Variants in DYSF observed in about 807,000 individuals in gnomAD.
The protein encoded by DYSF is dystrophy-associated fer-1-like 1.
Under a neutral mutation model 274.9 loss-of-function variants are expected in DYSF, and 212 were observed. The observed-to-expected ratio is 0.77, with a 90% CI of 0.69 to 0.86. The LOEUF (loss-of-function observed/expected upper bound fraction) is 0.86. DYSF is among the 40% of genes least tolerant of loss of function. DYSF has a pLI of 0.00. For missense variants in DYSF, 2,666 were observed against 2,783.2 expected (o/e 0.96, Z 0.95); for synonymous variants, 1,091 against 1,078.7 (o/e 1.01, Z -0.22).
intron 4 of DYSF, 129 bp from the exon 5 acceptor site, chr2:71,511,678 C>G (rs1264827032): frequency 1.4e-6 from 1 of 730,308 alleles, no homozygotes; most frequent in East Asian, 2.7e-5. Context: ...TTGCCACAGC[C>G]TCCTGCAAAC....
intron 52 of DYSF, among the ~76,000 whole-genome samples, chr2:71,675,907 G>A (rs548978605): frequency 1.3e-5 from 2 of 151,958 alleles, no homozygotes; most frequent in South Asian, 2.1e-4. Flanking sequence ...TATATGAATG[G>A]ATTTCTATTA....
At chr2:71,643,774 A>C (rs538328179) in intron 41 of DYSF, among the ~76,000 whole-genome samples, 191 bp from the exon 42 acceptor site, 1 of 152,328 alleles carries the variant, frequency 6.6e-6, no homozygotes, top group Admixed American at 6.5e-5. Flanking sequence ...CAAATGCTGA[A>C]ACCTCTTCCT....
At chr2:71,632,156 G>T (rs1235879243) in intron 41 of DYSF, among the ~76,000 whole-genome samples, 16 of 152,198 alleles carry the variant, frequency 1.1e-4, no homozygotes, top group African/African-American at 3.9e-4. Flanking sequence ...TTGGTCCTAT[G>T]CACTGGCTAC....
At chr2:71,530,174 G>A (rs150776499) in intron 14 of DYSF, among the ~76,000 whole-genome samples, 114 of 148,908 alleles carry the variant, frequency 7.7e-4, no homozygotes, top group Middle Eastern at 3.5e-3. Context: ...GGGGACAGCT[G>A]CTTGAAGGTA....
At chr2:71,509,691 A>G (rs115721731) in intron 4 of DYSF, among the ~76,000 whole-genome samples, 288 of 152,040 alleles carry the variant, frequency 1.9e-3, no homozygotes, top group African/African-American at 6.7e-3. Flanking sequence ...TCATGTTTCT[A>G]TTGTCTCAGA....
intron 32 of DYSF, among the ~76,000 whole-genome samples, chr2:71,591,984 G>A (rs1443271815): frequency 6.6e-6 from 1 of 152,284 alleles, no homozygotes; most frequent in Admixed American, 6.5e-5. Flanking sequence ...ACAGGCATCT[G>A]CAGTGGCTAA....
intron 33 of DYSF, 67 bp downstream of exon 33, chr2:71,598,812 AG>A: frequency 3.2e-6 from 5 of 1,582,738 alleles, no homozygotes; most frequent in Non-Finnish European, 4.3e-6. Flanking sequence ...TGGGGTCTCC[AG>A]GGACTCGTGG....
chr2:71,669,842 C>A lies in DYSF; in HGVS notation c.5784+96C>A, dbSNP rs1573101275. The stretch of plus-strand genomic sequence containing the variant: ...GTCCCTGCCTGGCAACTGTCACAAT[C>A]TCACTGCTGCCCCACCATGTTGGAG... On this transcript the variant is annotated intron_variant, in intron 51 of 55. Coordinates refer to ENST00000410020, the MANE Select transcript of DYSF (RefSeq NM_001130987.2). 9 of 1,530,372 alleles carry A rather than the reference C, an allele frequency of 5.9e-6. No individual in the cohort carries two copies. The East Asian group carries it at 1.8e-4, about 31-fold the overall frequency. 94.8% of individuals were successfully genotyped at this position (1,530,372 alleles called of 1,614,324 possible). A position where few individuals can be genotyped will look rare whatever the true frequency, so the allele number is the denominator to read the frequency against.
chr2:71,527,789 A>T (rs1341995376), intron 13 of DYSF, among the ~76,000 whole-genome samples: 2 of 152,168 alleles, frequency 1.3e-5, no homozygotes, highest in Non-Finnish European at 2.9e-5. Context: ...ATCTGTATCT[A>T]CATATATAAA....
intron 41 of DYSF, among the ~76,000 whole-genome samples, chr2:71,631,435 C>T (rs227769): frequency 0.4 from 60,452 of 152,002 alleles, 13,141 homozygotes; most frequent in East Asian, 0.48. Flanking sequence ...TTAAAAATAT[C>T]ACCCGTTCAG....
intron 33 of DYSF, among the ~76,000 whole-genome samples, 174 bp downstream of exon 33, chr2:71,598,919 C>T (rs888994855): frequency 2.6e-5 from 4 of 152,196 alleles, no homozygotes; most frequent in East Asian, 1.9e-4. Flanking sequence ...GCACAGATGC[C>T]GTTCCCACAG....
chr2:71,612,887 C>T, intron 39 of DYSF, 81 bp downstream of exon 39: 8 of 1,489,392 alleles, frequency 5.4e-6, no homozygotes, highest in Non-Finnish European at 7.3e-6. Context: ...GAGATGCATC[C>T]TGAAACCCTT....
At chr2:71,574,112 A>G in intron 29 of DYSF, 86 bp from the exon 30 acceptor site, 1 of 1,538,590 alleles carries the variant, frequency 6.5e-7, no homozygotes, top group Non-Finnish European at 8.9e-7. Flanking sequence ...GTTGTCATGG[A>G]AGACAGGAAG....
chr2:71,489,515 C>T (rs2083637274), intron 3 of DYSF, among the ~76,000 whole-genome samples: 1 of 152,214 alleles, frequency 6.6e-6, no homozygotes, highest in Non-Finnish European at 1.5e-5. Context: ...GGCCTTGGTG[C>T]CATCTGGGCG....
At chr2:71,622,760 T>C (rs2094134180) in intron 41 of DYSF, among the ~76,000 whole-genome samples, 1 of 152,102 alleles carries the variant, frequency 6.6e-6, no homozygotes, top group Non-Finnish European at 1.5e-5. Context: ...GGATTACAGG[T>C]GCCCACCACC....
At position 71,515,635 on chromosome 2, in the gene DYSF, G is replaced by A. The variant is rs150345121; in HGVS notation, c.772G>A (p.Val258Met). Residue 258 changes from valine to methionine, a missense_variant, in exon 8 of 56, where the codon GTG becomes ATG. This residue lies in a region of DYSF where 794 missense variants were observed against 777.1 expected (regional missense o/e 1.02). Transcript: ENST00000410020. ...KPQDFQIRVQVIEGRQLPGVN... is the reference protein window; with the variant it reads ...KPQDFQIRVQMIEGRQLPGVN... ...TTCTGGCTTTCAGATCAGGGTCCAG[G>A]TGATCGAGGGGCGCCAGCTGCCGGG... is the stretch of plus-strand genomic sequence containing the variant. 2.0e-4 allele frequency: 328 copies of A among 1,613,910 alleles called. 1 individual carries two copies. Among genetic ancestry groups the A allele is most frequent in the Non-Finnish European group, 2.6e-4 (304 of 1,179,900 alleles).
intron 35 of DYSF, among the ~76,000 whole-genome samples, chr2:71,601,935 G>A (rs867250481): frequency 6.6e-6 from 1 of 152,252 alleles, no homozygotes; most frequent in African/African-American, 2.4e-5. Flanking sequence ...GCCCACTGAA[G>A]CAATTCTGAG....
intron 14 of DYSF, among the ~76,000 whole-genome samples, chr2:71,532,830 TTCTATCTATCTATCTA>T (rs61396446): frequency 4.7e-4 from 69 of 147,556 alleles, no homozygotes; most frequent in South Asian, 8.8e-4. Context: ...AGTACATTTA[TTCTATCTATCTATCTA>T]TCTATCTATC....
chr2:71,590,117 C>A, intron 31 of DYSF, 94 bp from the exon 32 acceptor site: 1 of 1,260,220 alleles, frequency 7.9e-7, no homozygotes, highest in Non-Finnish European at 1.2e-6. Flanking sequence ...TGTCTGCTGC[C>A]CTTTCTAGGG....
Sources: allele counts gnomAD v4.1 joint callset (sites outside exome capture counted in the v4.1 genomes callset), GRCh38; gene constraint gnomAD v4.1.1; regional missense constraint gnomAD v4.1.1; transcripts MANE v1.5; gene names NCBI Gene and HGNC (gene_info 2026-07-23, HGNC 2026-07-21).